ARIH1: variants seen among roughly 807,000 people sequenced by gnomAD.
ARIH1 encodes the protein E3 ubiquitin-protein ligase ARIH1.
A neutral mutation model predicts 85.0 loss-of-function variants in ARIH1; 8 were observed. The observed-to-expected ratio is 0.09, with a 90% CI of 0.06 to 0.17. The LOEUF (loss-of-function observed/expected upper bound fraction) is 0.17. Among genes scored for constraint, ARIH1 ranks in the 10% least tolerant of loss-of-function variants. ARIH1 has a pLI of 1.00. For synonymous variants in ARIH1, 238 were observed against 253.6 expected, an observed-to-expected ratio of 0.94 and a Z score of 0.59; for missense variants, 311 against 718.1, an observed-to-expected ratio of 0.43 and a Z score of 6.48.
intron 1 of ARIH1, among the ~76,000 whole-genome samples, chr15:72,494,439 G>A (rs1243544605): frequency 6.6e-6 from 1 of 152,088 alleles, no homozygotes; most frequent in South Asian, 2.1e-4. Context: ...AGACAAAGGA[G>A]GAAGAGGAAT....
intron 1 of ARIH1, among the ~76,000 whole-genome samples, chr15:72,506,721 T>G (rs537274513): frequency 6.6e-6 from 1 of 152,310 alleles, no homozygotes; most frequent in East Asian, 1.9e-4. Flanking sequence ...ATCTTAAAAC[T>G]GAGGTTTAAG....
chr15:72,588,843 A>ATCTAT lies in ARIH1; in HGVS notation c.*5552_*5556dup, dbSNP rs1471204155. 1 of 152,240 alleles carries ATCTAT rather than the reference A, an allele frequency of 6.6e-6. No homozygotes were observed. Among genetic ancestry groups the ATCTAT allele is most frequent in the African/African-American group, 2.4e-5 (1 of 41,458 alleles). 9.4% of individuals were successfully genotyped at this position (152,240 alleles called of 1,614,324 possible). A position where few individuals can be genotyped will look rare whatever the true frequency, so the allele number is the denominator to read the frequency against. On this transcript the variant is annotated 3_prime_UTR_variant, in exon 14 of 14. Transcript: ENST00000379887. The stretch of plus-strand genomic sequence containing the variant: ...TACATTCTCTTACCAAGGGGGAGAA[A>ATCTAT]TCTATCTAGGGAAAATAATACAGAG...
At chr15:72,530,062 A>G (rs2064048876) in intron 2 of ARIH1, among the ~76,000 whole-genome samples, 1 of 152,214 alleles carries the variant, frequency 6.6e-6, no homozygotes, top group Non-Finnish European at 1.5e-5. Flanking sequence ...AGTGACAGCT[A>G]AATTGATAGC....
intron 3 of ARIH1, among the ~76,000 whole-genome samples, chr15:72,551,778 C>G (rs1235914479): frequency 6.6e-6 from 1 of 151,990 alleles, no homozygotes; most frequent in South Asian, 2.1e-4. Context: ...AAGTAAAAAG[C>G]CTCCGTAAAT....
intron 3 of ARIH1, among the ~76,000 whole-genome samples, chr15:72,549,313 C>G (rs1174893329): frequency 6.6e-6 from 1 of 152,112 alleles, no homozygotes; most frequent in East Asian, 1.9e-4. Flanking sequence ...GTCTCCAACT[C>G]CTGACTTAAG....
intron 2 of ARIH1, among the ~76,000 whole-genome samples, chr15:72,522,553 T>TA (rs111821373): frequency 1.5e-4 from 22 of 150,054 alleles, no homozygotes; most frequent in South Asian, 1.1e-3. Flanking sequence ...GAGAATGAGG[T>TA]AAAAAAAAGG....
intron 2 of ARIH1, among the ~76,000 whole-genome samples, chr15:72,535,710 T>C (rs1186276797): frequency 1.3e-4 from 20 of 152,180 alleles, no homozygotes; most frequent in Admixed American, 1.3e-3. Context: ...CAAGTAGTAG[T>C]GTGTTTTATT....
At chr15:72,561,313 T>TTCTGA in intron 5 of ARIH1, 170 bp from the exon 6 acceptor site, 1 of 512,704 alleles carries the variant, frequency 2.0e-6, no homozygotes, top group Non-Finnish European at 3.4e-6. Flanking sequence ...GAAATTATTG[T>TTCTGA]TCTGATCAGT....
intron 1 of ARIH1, among the ~76,000 whole-genome samples, chr15:72,495,058 T>C (rs963291887): frequency 1.3e-5 from 2 of 152,178 alleles, no homozygotes; most frequent in African/African-American, 4.8e-5. Context: ...AAAAGAGACC[T>C]AGGGCAGTGT....
chr15:72,523,081 G>A (rs2064007942), intron 2 of ARIH1, among the ~76,000 whole-genome samples: 1 of 152,184 alleles, frequency 6.6e-6, no homozygotes, highest in Non-Finnish European at 1.5e-5. Flanking sequence ...AGACAGCGTG[G>A]CAGATTCTTA....
chr15:72,524,645 A>C (rs1166265489), intron 2 of ARIH1, among the ~76,000 whole-genome samples: 1 of 152,244 alleles, frequency 6.6e-6, no homozygotes, highest in African/African-American at 2.4e-5. Context: ...CTCCTTCCCC[A>C]AAAAGTACTG....
intron 1 of ARIH1, among the ~76,000 whole-genome samples, chr15:72,477,589 T>A (rs1029209650): frequency 3.3e-5 from 5 of 152,194 alleles, no homozygotes; most frequent in African/African-American, 1.2e-4. Flanking sequence ...AATACTGTTA[T>A]TTGTGGATAT....
At chr15:72,545,096 T>G in intron 3 of ARIH1, 132 bp downstream of exon 3, 1 of 752,284 alleles carries the variant, frequency 1.3e-6, no homozygotes, top group Non-Finnish European at 1.9e-6. Context: ...ATCAATGTAT[T>G]CAGTGTGAGG....
At chr15:72,552,102 C>T (rs1056836583) in intron 3 of ARIH1, among the ~76,000 whole-genome samples, 5 of 151,958 alleles carry the variant, frequency 3.3e-5, no homozygotes, top group Non-Finnish European at 5.9e-5. Flanking sequence ...AATGTCACCT[C>T]TACAGATTTG....
chr15:72,526,259 A>G (rs2064027768), intron 2 of ARIH1, among the ~76,000 whole-genome samples: 1 of 151,860 alleles, frequency 6.6e-6, no homozygotes, highest in South Asian at 2.1e-4. Context: ...TTTTTATTTT[A>G]TTCATTAGTA....
chr15:72,501,975 A>G (rs2063905826), intron 1 of ARIH1, among the ~76,000 whole-genome samples: 1 of 152,236 alleles, frequency 6.6e-6, no homozygotes, highest in African/African-American at 2.4e-5. Flanking sequence ...GGTAACGATA[A>G]AAGTTTAAAA....
intron 1 of ARIH1, among the ~76,000 whole-genome samples, chr15:72,501,023 C>G (rs963087409): frequency 6.6e-6 from 1 of 152,172 alleles, no homozygotes; most frequent in African/African-American, 2.4e-5. Flanking sequence ...TATACACTAT[C>G]AGCCTTCATG....
At chr15:72,498,253 T>A (rs63585460) in intron 1 of ARIH1, among the ~76,000 whole-genome samples, 2,756 of 143,496 alleles carry the variant, frequency 0.019, 73 homozygotes, top group African/African-American at 0.064. Flanking sequence ...GTTTTTTTTT[T>A]AAATAAAAAT....
At chr15:72,566,946 A>G (rs991985743) in intron 8 of ARIH1, among the ~76,000 whole-genome samples, 160 bp from the exon 9 acceptor site, 1 of 152,202 alleles carries the variant, frequency 6.6e-6, no homozygotes, top group Admixed American at 6.5e-5. Context: ...TATACTGGAC[A>G]TTGTAGCTAT....
Sources: gnomAD v4.1 joint callset for allele counts (sites outside exome capture counted in the v4.1 genomes callset) on GRCh38, gnomAD v4.1.1 for gene constraint, MANE v1.5 for transcripts, NCBI Gene and HGNC (gene_info 2026-07-23, HGNC 2026-07-21) for gene names.